LCOR: variants seen among roughly 807,000 people sequenced by gnomAD.
LCOR encodes ligand-dependent corepressor.
A neutral mutation model predicts 64.4 loss-of-function variants in LCOR; 14 were observed. The ratio of observed to expected loss-of-function variants is 0.22; its 90% CI spans 0.14 to 0.34. The LOEUF is 0.34. Ranked by LOEUF, LCOR falls within the 10% of genes least tolerant of loss-of-function variation. LCOR has a pLI of 1.00. For synonymous variants in LCOR, 643 were observed against 642.5 expected, an observed-to-expected ratio of 1.00 and a Z score of -0.01; for missense variants, 1,686 against 1,765.3, an observed-to-expected ratio of 0.96 and a Z score of 0.80.
At chr10:96,932,452 T>C (rs748934492) in intron 4 of LCOR, among the ~76,000 whole-genome samples, 32 of 152,048 alleles carry the variant, frequency 2.1e-4, no homozygotes, top group South Asian at 4.2e-4. Context: ...TTTTATTTTA[T>C]TTTATTTTAT....
chr10:96,882,162 C>CA (rs1021712120), intron 2 of LCOR, among the ~76,000 whole-genome samples: 11 of 150,568 alleles, frequency 7.3e-5, no homozygotes, highest in South Asian at 4.2e-4. Flanking sequence ...TTTCCCAAAA[C>CA]AAAAAAAAAG....
At chr10:96,935,564 G>A (rs1847336400) in intron 4 of LCOR, among the ~76,000 whole-genome samples, 1 of 152,222 alleles carries the variant, frequency 6.6e-6, no homozygotes, top group Non-Finnish European at 1.5e-5. Context: ...GCAGGGTGTG[G>A]TGGCTCTCGC....
In LCOR at chr10:96,984,961, G is replaced by A. The variant is rs768113347; in HGVS notation, c.4501G>A (p.Gly1501Ser). ...LTKPAKQKGA[G>S]ESSSRPQKAT... The stretch of plus-strand genomic sequence containing the variant: ...GAAACCTGCAAAACAGAAGGGGGCC[G>A]GTGAATCCTCTTCAAGGCCTCAGAA... Residue 1501 changes from glycine (G) to serine (S), a missense_variant, in exon 8 of 8, where the codon GGT becomes AGT. This residue lies in a region of LCOR where 1,293 missense variants were observed against 1,410.4 expected (regional missense o/e 0.92). Coordinates refer to ENST00000421806, the MANE Select transcript of LCOR (RefSeq NM_001346516.2). 16 of 1,614,046 alleles carry A rather than the reference G, an allele frequency of 9.9e-6. No individual in the cohort carries two copies. Among genetic ancestry groups the A allele is most frequent in the South Asian group, 3.3e-5 (3 of 91,086 alleles).
chr10:96,836,990 A>AT (rs1461065685), intron 2 of LCOR, among the ~76,000 whole-genome samples: 2 of 146,230 alleles, frequency 1.4e-5, no homozygotes, highest in Admixed American at 6.8e-5. Context: ...AATGACACAG[A>AT]TTCTTTTTTT....
rs7921885 is a variant in LCOR at position 96,864,522 on chromosome 10, G to A, written c.-330+31043G>A. On this transcript the variant is annotated intron_variant, in intron 2 of 7. Transcript: ENST00000421806. ...TGCAAAGCAGACTCTGTTCCTGCTCGCATGGCACTTAGAATATAATGGGAA... is the reference window on the plus strand; with the variant it reads ...TGCAAAGCAGACTCTGTTCCTGCTCACATGGCACTTAGAATATAATGGGAA... Among the ~76,000 whole-genome samples, 345 of 152,084 alleles carry A rather than the reference G, an allele frequency of 2.3e-3. 5 individuals are homozygous for A. Among genetic ancestry groups the A allele is most frequent in the African/African-American group, 8.0e-3 (330 of 41,468 alleles).
chr10:96,833,182 A>C (rs963834926), intron 1 of LCOR: 1 of 985,064 alleles, frequency 1.0e-6, no homozygotes, highest in Non-Finnish European at 1.2e-6. Context: ...GGTCCGACCG[A>C]GGAGCCCCGG....
intron 2 of LCOR, among the ~76,000 whole-genome samples, chr10:96,882,959 C>T (rs1846286909): frequency 1.3e-5 from 2 of 152,130 alleles, no homozygotes; most frequent in African/African-American, 2.4e-5. Flanking sequence ...TATCCATTCA[C>T]TTACTACCAG....
chr10:96,856,530 G>A (rs937882121), intron 2 of LCOR, among the ~76,000 whole-genome samples: 4 of 136,578 alleles, frequency 2.9e-5, no homozygotes, highest in South Asian at 2.5e-4. Context: ...GTCTTACCCC[G>A]TCCCTGTACC....
At chr10:96,963,022 G>A (rs902839940) in intron 7 of LCOR, 3 of 152,084 alleles carry the variant, frequency 2.0e-5, no homozygotes, top group African/African-American at 7.2e-5. Context: ...TTATTTCAAC[G>A]TGCTGGTAGC....
At chr10:96,848,114 CA>C (rs1354016263) in intron 2 of LCOR, among the ~76,000 whole-genome samples, 2 of 152,132 alleles carry the variant, frequency 1.3e-5, no homozygotes, top group Non-Finnish European at 2.9e-5. Context: ...TGTATTTTGT[CA>C]GATATTTTTT....
chr10:96,882,506 C>G (rs1337015917), intron 2 of LCOR, among the ~76,000 whole-genome samples: 2 of 152,114 alleles, frequency 1.3e-5, no homozygotes, highest in East Asian at 3.8e-4. Flanking sequence ...CCCCTTGCTC[C>G]CACACATGTA....
At chr10:96,892,403 T>G (rs893808086) in intron 2 of LCOR, among the ~76,000 whole-genome samples, 1 of 152,130 alleles carries the variant, frequency 6.6e-6, no homozygotes, top group African/African-American at 2.4e-5. Context: ...CCTAAGTGGC[T>G]TATAAAAAAA....
intron 2 of LCOR, among the ~76,000 whole-genome samples, chr10:96,849,042 C>T (rs1161282595): frequency 6.8e-5 from 5 of 73,556 alleles, no homozygotes; most frequent in African/African-American, 1.7e-4. Context: ...CAGATCCTCT[C>T]TGTCACCTGG....
chr10:96,845,369 T>G (rs1360751303), intron 2 of LCOR, among the ~76,000 whole-genome samples: 1 of 151,666 alleles, frequency 6.6e-6, no homozygotes, highest in Non-Finnish European at 1.5e-5. Flanking sequence ...AACACTAATT[T>G]CCTGTGTGTT....
intron 2 of LCOR, among the ~76,000 whole-genome samples, chr10:96,904,263 A>T (rs1214984954): frequency 2.0e-5 from 3 of 152,186 alleles, no homozygotes; most frequent in Admixed American, 6.5e-5. Flanking sequence ...TATTTTAGCA[A>T]AGGTGAGATG....
intron 1 of LCOR, among the ~76,000 whole-genome samples, chr10:96,832,743 C>T (rs1045205671): frequency 2.7e-4 from 40 of 150,852 alleles, no homozygotes; most frequent in African/African-American, 6.3e-4. Context: ...CCCGGCGCCC[C>T]GGCGCCGCCG....
chr10:96,906,397 C>T (rs1846728310), intron 2 of LCOR, among the ~76,000 whole-genome samples: 1 of 152,074 alleles, frequency 6.6e-6, no homozygotes, highest in Non-Finnish European at 1.5e-5. Flanking sequence ...TTTTGGGAAC[C>T]ACTGCTTTAA....
In LCOR at chr10:96,917,478, T is replaced by C. The variant is rs114979875; in HGVS notation, c.-184+9731T>C. Among the ~76,000 whole-genome samples, 899 of 152,332 alleles carry C rather than the reference T, an allele frequency of 5.9e-3. 18 individuals carry two copies. The highest frequency in any genetic ancestry group is 0.02 in the African/African-American group (835 of 41,572). ...CCCATGCTCATTCCCATATGTAGTA[T>C]TTTAGAGATAGTAGCTAATACAAGA... is the stretch of plus-strand genomic sequence containing the variant. On this transcript the variant is annotated intron_variant, in intron 4 of 7. Transcript: ENST00000421806.
chr10:96,951,376 C>A (rs1376109045), intron 6 of LCOR, among the ~76,000 whole-genome samples: 3 of 152,068 alleles, frequency 2.0e-5, no homozygotes, highest in Admixed American at 1.3e-4. Context: ...TTTAAACTTT[C>A]TTCACCAATT....
Sources: gnomAD v4.1 joint callset for allele counts (sites outside exome capture counted in the v4.1 genomes callset) on GRCh38, gnomAD v4.1.1 for gene constraint, gnomAD v4.1.1 regional missense constraint, MANE v1.5 for transcripts, NCBI Gene and HGNC (gene_info 2026-07-23, HGNC 2026-07-21) for gene names.